Variants in HTT observed in about 807,000 individuals in gnomAD.
HTT encodes huntington disease protein.
A neutral mutation model predicts 362.3 loss-of-function variants in HTT; 104 were observed. That is an observed-to-expected ratio of 0.29 (90% CI 0.24 to 0.34). HTT has a LOEUF of 0.34. HTT is among the 10% of genes least tolerant of loss of function. The pLI, the probability that HTT is intolerant of heterozygous loss-of-function variation, is 1.00. For missense variants in HTT, 3,301 were observed against 3,928.6 expected (o/e 0.84, Z 4.27); for synonymous variants, 1,577 against 1,548.7 (o/e 1.02, Z -0.43).
rs929237681 is a variant in HTT at position 3,243,894 on chromosome 4, A to G, written c.*3835A>G. ...AAAGGGAAGGACTGACGAGAGATGT[A>G]TATTTAATTTTTTAACTGCTGCAAA... On this transcript the variant is annotated 3_prime_UTR_variant, in exon 67 of 67. Coordinates refer to ENST00000355072, the MANE Select transcript of HTT (RefSeq NM_001388492.1). 1 of 152,258 alleles carries G rather than the reference A, an allele frequency of 6.6e-6. No individual in the cohort carries two copies. The highest frequency in any genetic ancestry group is 1.5e-5 in the Non-Finnish European group (1 of 68,048). 9.4% of individuals were successfully genotyped at this position (152,258 alleles called of 1,614,324 possible).
chr4:3,127,640 A>AT (rs781488541), intron 12 of HTT, 36 bp downstream of exon 12: 2 of 1,465,000 alleles, frequency 1.4e-6, no homozygotes, highest in South Asian at 1.2e-5. Flanking sequence ...CTTTTTTTTT[A>AT]TTTTTTATTT....
At chr4:3,222,587 TTC>T (rs1491217265) in intron 54 of HTT, 100 bp downstream of exon 54, 1 of 816,426 alleles carries the variant, frequency 1.2e-6, no homozygotes, top group East Asian at 2.5e-5. Flanking sequence ...TGTTCTTTTT[TTC>T]TCTTACCTTA....
At position 3,199,859 on chromosome 4, in the gene HTT, G is replaced by A. The variant is rs768427619; in HGVS notation, c.5496G>A (p.Leu1832=). The part of the protein sequence containing the change: ...ARSMITTHPA[L]VLLWCQILLL... ...CCATGATCACCACCCACCCGGCCCT[G>A]GTGCTGCTCTGGTGTCAGATACTGC... The change falls in exon 41 of 67, where the codon CTG becomes CTA. Residue 1832 remains leucine (L), a synonymous_variant. Coordinates refer to ENST00000355072, the MANE Select transcript of HTT (RefSeq NM_001388492.1). The A allele has an allele frequency of 6.2e-7, 1 of 1,614,118 alleles. No homozygotes were observed. Among genetic ancestry groups the A allele is most frequent in the Non-Finnish European group, 8.5e-7 (1 of 1,180,014 alleles).
At chr4:3,178,580 G>A in intron 35 of HTT, 134 bp downstream of exon 35, 1 of 725,286 alleles carries the variant, frequency 1.4e-6, no homozygotes, top group South Asian at 1.8e-5. Flanking sequence ...GTCTGTGTAT[G>A]TGAAGGTACT....
intron 21 of HTT, 90 bp downstream of exon 21, chr4:3,136,416 T>C: frequency 1.7e-6 from 1 of 600,462 alleles, no homozygotes; most frequent in Non-Finnish European, 3.0e-6. Context: ...TCAAAGGATG[T>C]AGAGCAGTAT....
chr4:3,219,362 C>G (rs116235516), intron 52 of HTT, among the ~76,000 whole-genome samples: 15 of 152,138 alleles, frequency 9.9e-5, no homozygotes, highest in Non-Finnish European at 1.5e-5. Context: ...ACGGGCTGCA[C>G]GCTGTAGGTA....
Position 3,236,141 on chromosome 4 carries a change from T to C in HTT, c.8786-8T>C. 1.2e-6 allele frequency: 2 copies of C among 1,607,372 alleles called. No homozygotes were observed. Among genetic ancestry groups the C allele is most frequent in the Non-Finnish European group, 1.7e-6 (2 of 1,173,774 alleles). On this transcript the variant is annotated splice_polypyrimidine_tract_variant and splice_region_variant and intron_variant, in intron 63 of 66. Coordinates refer to ENST00000355072, the MANE Select transcript of HTT (RefSeq NM_001388492.1). The stretch of plus-strand genomic sequence containing the variant: ...AGGTAACCTTCGTACTGAACACTTT[T>C]GTTACAGGAAAGGAGAAAGTCAGTC...
Position 3,243,136 on chromosome 4 carries a change from CT to C in HTT, c.*3078del, listed in dbSNP as rs1469689875. On this transcript the variant is annotated 3_prime_UTR_variant, in exon 67 of 67. Transcript: ENST00000355072. ...GAGCTGAGATGAGCCCCACGTGGAG[CT>C]CGGGACGGATAGTAGACAGCAATAA... The C allele has an allele frequency of 6.6e-6, 1 of 152,622 alleles. No homozygotes were observed. The highest frequency in any genetic ancestry group is 6.5e-5 in the Admixed American group (1 of 15,286). The allele number at this position is 152,622 out of a possible 1,614,324, so 9.5% of individuals were successfully genotyped here.
At chr4:3,124,237 G>C (rs747892359) in intron 10 of HTT, among the ~76,000 whole-genome samples, 1 of 152,216 alleles carries the variant, frequency 6.6e-6, no homozygotes, top group African/African-American at 2.4e-5. Flanking sequence ...GCTGACACTT[G>C]TTTGTTTCTT....
intron 26 of HTT, among the ~76,000 whole-genome samples, chr4:3,151,872 A>G (rs1018547333): frequency 2.6e-5 from 4 of 152,136 alleles, no homozygotes; most frequent in Non-Finnish European, 4.4e-5. Context: ...CTGATATACT[A>G]TCTCATTTGG....
intron 8 of HTT, among the ~76,000 whole-genome samples, chr4:3,120,290 ATACT>A (rs1457568519): frequency 6.6e-6 from 1 of 152,360 alleles, no homozygotes; most frequent in African/African-American, 2.4e-5. Context: ...CATGTGGGAC[ATACT>A]TACACTACAA....
rs977101504 is a variant in HTT at position 3,228,092 on chromosome 4, A to G, written c.7849-523A>G. Among the ~76,000 whole-genome samples, 1 of 152,192 alleles carries G rather than the reference A, an allele frequency of 6.6e-6. No homozygotes were observed. The highest frequency in any genetic ancestry group is 6.5e-5 in the Admixed American group (1 of 15,280). On this transcript the variant is annotated intron_variant, in intron 57 of 66. Transcript: ENST00000355072. The surrounding 1 kb of genome is among the most constrained non-coding windows in gnomAD (Gnocchi z 4.3). ...ACAGCTTTTTATGGGCACACAGCCC[A>G]CAGCACTGTGCCAAGTGCTCGAGGC...
intron 40 of HTT, among the ~76,000 whole-genome samples, chr4:3,199,313 G>A (rs368807903): frequency 4.6e-5 from 7 of 152,240 alleles, no homozygotes; most frequent in East Asian, 1.9e-4. Flanking sequence ...AGGCTGAGGC[G>A]GGTGGATCAC....
chr4:3,120,358 G>A (rs1399308770), intron 8 of HTT, among the ~76,000 whole-genome samples: 1 of 152,038 alleles, frequency 6.6e-6, no homozygotes, highest in East Asian at 1.9e-4. Flanking sequence ...ATTTTATCTG[G>A]CAACTGTAAT....
At chr4:3,230,409 G>C (rs1410999668) in intron 60 of HTT, among the ~76,000 whole-genome samples, 2 of 152,180 alleles carry the variant, frequency 1.3e-5, no homozygotes, top group African/African-American at 2.4e-5. Context: ...CCTGAGGCCT[G>C]ACTGCCTCAC....
chr4:3,240,061 C>G lies in HTT; in HGVS notation c.*2C>G. 1.3e-6 allele frequency: 2 copies of G among 1,578,918 alleles called. No homozygotes were observed. On this transcript the variant is annotated 3_prime_UTR_variant, in exon 67 of 67. Transcript: ENST00000355072. ...GTCCACAAGGTCACCACCTGCTGAG[C>G]GCCATGGTGGGAGAGACTGTGAGGC... is the stretch of plus-strand genomic sequence containing the variant.
At chr4:3,097,996 A>G (rs1713949130) in intron 2 of HTT, among the ~76,000 whole-genome samples, 1 of 152,250 alleles carries the variant, frequency 6.6e-6, no homozygotes. Flanking sequence ...CACATTAATT[A>G]CATGTTGAAA....
At chr4:3,081,832 C>T (rs1398516070) in intron 1 of HTT, among the ~76,000 whole-genome samples, 1 of 151,580 alleles carries the variant, frequency 6.6e-6, no homozygotes, top group Non-Finnish European at 1.5e-5. Context: ...GCTGGGATTA[C>T]AGGGTGTGAG....
intron 3 of HTT, among the ~76,000 whole-genome samples, chr4:3,102,128 G>A (rs1487083477): frequency 6.6e-6 from 1 of 152,174 alleles, no homozygotes; most frequent in East Asian, 1.9e-4. Flanking sequence ...GGGTAGAGGA[G>A]GACAGGTGGG....
Sources: gnomAD v4.1 joint callset for allele counts (sites outside exome capture counted in the v4.1 genomes callset) on GRCh38, gnomAD v4.1.1 for gene constraint, Gnocchi (gnomAD v3.1) non-coding constraint, MANE v1.5 for transcripts, NCBI Gene and HGNC (gene_info 2026-07-23, HGNC 2026-07-21) for gene names.